PDZRN4: variants seen among roughly 807,000 people sequenced by gnomAD.
PDZRN4 encodes the protein PDZ domain containing ring finger 4, also known as PDZ domain-containing RING finger protein 4.
Under a neutral mutation model 99.0 loss-of-function variants are expected in PDZRN4, and 70 were observed. That is an observed-to-expected ratio of 0.71 (90% CI 0.58 to 0.86). The LOEUF (loss-of-function observed/expected upper bound fraction) is 0.86. Ranked by LOEUF, PDZRN4 falls within the 40% of genes least tolerant of loss-of-function variation. The probability of loss-of-function intolerance (pLI) is 0.00; values close to 1 mark genes in which losing one functional copy is unlikely to be tolerated. For synonymous variants in PDZRN4, 551 were observed against 501.6 expected (o/e 1.10, Z -1.32); for missense variants, 1,474 against 1,331.2 (o/e 1.11, Z -1.67).
chr12:41,202,813 T>A (rs1427687420), intron 3 of PDZRN4, among the ~76,000 whole-genome samples: 1 of 152,052 alleles, frequency 6.6e-6, no homozygotes, highest in Non-Finnish European at 1.5e-5. Context: ...CTATGCTGCT[T>A]AGATAAGGAA....
At chr12:41,244,771 G>A (rs1028379852) in intron 3 of PDZRN4, among the ~76,000 whole-genome samples, 5 of 147,586 alleles carry the variant, frequency 3.4e-5, no homozygotes, top group African/African-American at 1.3e-4. Context: ...TGCAAGCTCT[G>A]CTTCCCGGGT....
chr12:41,423,649 T>G (rs1952510214), intron 3 of PDZRN4, among the ~76,000 whole-genome samples: 1 of 152,136 alleles, frequency 6.6e-6, no homozygotes, highest in African/African-American at 2.4e-5. Context: ...AATTCCATAT[T>G]CCTGAGTCTT....
chr12:41,484,601 TTAA>T (rs1937739019), intron 3 of PDZRN4, among the ~76,000 whole-genome samples: 2 of 152,340 alleles, frequency 1.3e-5, no homozygotes, highest in East Asian at 1.9e-4. Context: ...ACGTGCTTTA[TTAA>T]TGTCAGTTAT....
chr12:41,442,711 T>C (rs766622824), intron 3 of PDZRN4, among the ~76,000 whole-genome samples: 59 of 152,060 alleles, frequency 3.9e-4, no homozygotes, highest in Non-Finnish European at 3.1e-4. Context: ...TCTCAGAAAT[T>C]TATATTGTGA....
chr12:41,471,098 A>G (rs1194020690), intron 3 of PDZRN4, among the ~76,000 whole-genome samples: 1 of 152,210 alleles, frequency 6.6e-6, no homozygotes, highest in African/African-American at 2.4e-5. Context: ...GGTGGTTGGA[A>G]ATGACCCCTT....
At chr12:41,242,551 C>T (rs1951107710) in intron 3 of PDZRN4, among the ~76,000 whole-genome samples, 1 of 152,196 alleles carries the variant, frequency 6.6e-6, no homozygotes, top group African/African-American at 2.4e-5. Context: ...ACACAAAGCA[C>T]TCTTGTTATT....
chr12:41,522,217 G>C (rs1238387783), intron 5 of PDZRN4, among the ~76,000 whole-genome samples: 1 of 150,640 alleles, frequency 6.6e-6, no homozygotes, highest in Non-Finnish European at 1.5e-5. Context: ...AATGTTTTTA[G>C]TTAATAATGA....
At chr12:41,243,534 A>C (rs1951113603) in intron 3 of PDZRN4, among the ~76,000 whole-genome samples, 1 of 152,242 alleles carries the variant, frequency 6.6e-6, no homozygotes, top group African/African-American at 2.4e-5. Flanking sequence ...CGGCATTTGA[A>C]TACGTTAAAA....
intron 3 of PDZRN4, among the ~76,000 whole-genome samples, chr12:41,327,241 G>T (rs149005018): frequency 6.6e-6 from 1 of 152,212 alleles, no homozygotes; most frequent in African/African-American, 2.4e-5. Flanking sequence ...TTCTTCAGCT[G>T]TTAGCTATTG....
rs533645709 is a variant in PDZRN4, at chr12:41,517,775, C to T, written c.1203+7862C>T. Among the ~76,000 whole-genome samples the T allele has an allele frequency of 5.2e-4, 79 of 152,134 alleles. 1 individual carries two copies. Among genetic ancestry groups the T allele is most frequent in the African/African-American group, 1.8e-3 (76 of 41,552 alleles). ...TTTACGAGTATTCTAACAGTTTAAA[C>T]ATATCAACCCACATTTTTTTTTAGT... On this transcript the variant is annotated intron_variant, in intron 5 of 9. Coordinates refer to ENST00000402685, the MANE Select transcript of PDZRN4 (RefSeq NM_001164595.2).
chr12:41,507,582 A>G (rs1218435257), intron 4 of PDZRN4, among the ~76,000 whole-genome samples: 1 of 152,126 alleles, frequency 6.6e-6, no homozygotes, highest in Admixed American at 6.6e-5. Flanking sequence ...TCACAGATGT[A>G]CAATAGAATC....
At chr12:41,411,274 C>T (rs1237594166) in intron 3 of PDZRN4, among the ~76,000 whole-genome samples, 1 of 152,076 alleles carries the variant, frequency 6.6e-6, no homozygotes, top group East Asian at 1.9e-4. Flanking sequence ...GATATAAGTA[C>T]AGCTCTCCTA....
chr12:41,427,762 AC>A (rs1952549519), intron 3 of PDZRN4, among the ~76,000 whole-genome samples: 1 of 152,172 alleles, frequency 6.6e-6, no homozygotes, highest in Non-Finnish European at 1.5e-5. Context: ...AAGGAACACA[AC>A]AGAGAAGGGA....
At chr12:41,350,907 T>A (rs1172229713) in intron 3 of PDZRN4, among the ~76,000 whole-genome samples, 1 of 152,026 alleles carries the variant, frequency 6.6e-6, no homozygotes. Context: ...CTCCCTACCT[T>A]CATCTGCAAC....
rs559853901 is a variant in PDZRN4, at chr12:41,377,318, T to C, written c.844-129138T>C. ...AATCTATAGATAGCTTTGGTTAGTG[T>C]ATGGCTATTTTTACAATATTAATTC... On this transcript the variant is annotated intron_variant, in intron 3 of 9. Transcript: ENST00000402685. Among the ~76,000 whole-genome samples, 17 of 152,296 alleles carry C rather than the reference T, an allele frequency of 1.1e-4. 1 individual carries two copies. The South Asian group carries it at 1.5e-3, about 13-fold the overall frequency.
chr12:41,379,923 A>G (rs1952111065), intron 3 of PDZRN4, among the ~76,000 whole-genome samples: 1 of 152,018 alleles, frequency 6.6e-6, no homozygotes. Context: ...GTGATTATCT[A>G]TTCCTTGTTT....
chr12:41,228,108 G>A (rs769475178), intron 3 of PDZRN4, among the ~76,000 whole-genome samples: 1 of 152,110 alleles, frequency 6.6e-6, no homozygotes, highest in Non-Finnish European at 1.5e-5. Flanking sequence ...TCATCTGAAT[G>A]GAAGTGATAT....
chr12:41,529,927 G>A (rs1938631754), intron 5 of PDZRN4, among the ~76,000 whole-genome samples: 1 of 152,056 alleles, frequency 6.6e-6, no homozygotes, highest in South Asian at 2.1e-4. Flanking sequence ...GACTGGTTCA[G>A]ACAGGTTGCC....
chr12:41,507,477 A>G (rs193176784), intron 4 of PDZRN4, among the ~76,000 whole-genome samples: 10 of 151,952 alleles, frequency 6.6e-5, no homozygotes, highest in African/African-American at 2.4e-4. Context: ...TTCATCACCT[A>G]CTCCAATCCG....
Sources: gnomAD v4.1 joint callset for allele counts (sites outside exome capture counted in the v4.1 genomes callset) on GRCh38, gnomAD v4.1.1 for gene constraint, MANE v1.5 for transcripts, NCBI Gene and HGNC (gene_info 2026-07-23, HGNC 2026-07-21) for gene names.